Variants in COMMD10 observed in about 807,000 individuals in gnomAD.
COMMD10 encodes COMM domain-containing protein 10.
In COMMD10, 33 loss-of-function variants were observed where a neutral mutation model predicts 28.9. That is an observed-to-expected ratio of 1.14 (90% CI 0.87 to 1.53). COMMD10 has a LOEUF of 1.53. COMMD10 is among the 40% of genes most tolerant of loss of function. The pLI is 0.00. For synonymous variants in COMMD10, 110 were observed against 81.7 expected (o/e 1.35, Z -1.87); for missense variants, 310 against 233.4 (o/e 1.33, Z -2.14).
At chr5:116,242,013 A>G (rs1433188786) in intron 5 of COMMD10, among the ~76,000 whole-genome samples, 1 of 152,208 alleles carries the variant, frequency 6.6e-6, no homozygotes, top group African/African-American at 2.4e-5. Flanking sequence ...TACATTAAAC[A>G]AAAAGGCAGA....
At chr5:116,247,100 T>C (rs530892007) in intron 5 of COMMD10, among the ~76,000 whole-genome samples, 67 of 151,826 alleles carry the variant, frequency 4.4e-4, no homozygotes, top group African/African-American at 1.4e-3. Flanking sequence ...ATCTAGTATC[T>C]ATACGGAACT....
intron 4 of COMMD10, among the ~76,000 whole-genome samples, chr5:116,131,822 A>T (rs1751872609): frequency 6.6e-6 from 1 of 152,076 alleles, no homozygotes; most frequent in African/African-American, 2.4e-5. Context: ...AGGGAAAGGA[A>T]AAAATAACAG....
intron 4 of COMMD10, among the ~76,000 whole-genome samples, chr5:116,107,389 C>G (rs989796281): frequency 6.6e-6 from 1 of 152,152 alleles, no homozygotes; most frequent in South Asian, 2.1e-4. Context: ...TTCACTGTTT[C>G]TTCTCTGATC....
intron 5 of COMMD10, among the ~76,000 whole-genome samples, chr5:116,246,587 T>C (rs910783311): frequency 6.6e-6 from 1 of 152,004 alleles, no homozygotes; most frequent in Non-Finnish European, 1.5e-5. Context: ...GACTTCAAAC[T>C]ATATTACAGG....
At chr5:116,173,483 T>C (rs1157729699) in intron 5 of COMMD10, among the ~76,000 whole-genome samples, 3 of 152,176 alleles carry the variant, frequency 2.0e-5, no homozygotes, top group Non-Finnish European at 4.4e-5. Flanking sequence ...ATACAGTTAG[T>C]ATGAATATAC....
intron 4 of COMMD10, among the ~76,000 whole-genome samples, chr5:116,122,160 A>G (rs570772967): frequency 1.2e-4 from 19 of 152,192 alleles, no homozygotes; most frequent in Non-Finnish European, 1.0e-4. Context: ...ATTTTTGTAT[A>G]AGGTGTAAGG....
intron 5 of COMMD10, among the ~76,000 whole-genome samples, chr5:116,160,047 C>T (rs576523234): frequency 6.1e-4 from 93 of 152,256 alleles, no homozygotes; most frequent in African/African-American, 2.2e-3. Flanking sequence ...ATGCGAGACA[C>T]TTATAAATGG....
At chr5:116,168,372 A>G (rs1753203052) in intron 5 of COMMD10, among the ~76,000 whole-genome samples, 1 of 152,128 alleles carries the variant, frequency 6.6e-6, no homozygotes, top group Non-Finnish European at 1.5e-5. Flanking sequence ...ACTTAGACTC[A>G]CACACAATAA....
In COMMD10 at chr5:116,174,860, C is replaced by A. The variant is rs149746198; in HGVS notation, c.510+40682C>A. Among the ~76,000 whole-genome samples the A allele has an allele frequency of 7.1e-3, 1,087 of 152,230 alleles. 16 individuals carry two copies. Among genetic ancestry groups the A allele is most frequent in the African/African-American group, 0.025 (1,042 of 41,542 alleles). On this transcript the variant is annotated intron_variant, in intron 5 of 6. Coordinates refer to ENST00000274458, the MANE Select transcript of COMMD10 (RefSeq NM_016144.4). ...CTATTAATGTGTCCTATTTTAACTTCTCTATAAAGAAATGGTCAGTTTCTA... is the reference window on the plus strand; with the variant it reads ...CTATTAATGTGTCCTATTTTAACTTATCTATAAAGAAATGGTCAGTTTCTA...
intron 4 of COMMD10, among the ~76,000 whole-genome samples, chr5:116,099,897 A>G (rs1411635688): frequency 6.6e-6 from 1 of 152,164 alleles, no homozygotes; most frequent in African/African-American, 2.4e-5. Context: ...CGTATCTGAA[A>G]TGCTTGGGAC....
chr5:116,261,222 T>G (rs1209455580), intron 5 of COMMD10, among the ~76,000 whole-genome samples: 1 of 151,778 alleles, frequency 6.6e-6, no homozygotes, highest in Non-Finnish European at 1.5e-5. Flanking sequence ...AAAAAGAAGT[T>G]GATTATAATG....
intron 4 of COMMD10, among the ~76,000 whole-genome samples, chr5:116,101,382 C>A (rs536978641): frequency 6.6e-6 from 1 of 151,826 alleles, no homozygotes; most frequent in Non-Finnish European, 1.5e-5. Context: ...TCTCCACATC[C>A]TTGTTAACAT....
intron 5 of COMMD10, among the ~76,000 whole-genome samples, chr5:116,214,667 G>C (rs1015933323): frequency 6.6e-6 from 1 of 151,954 alleles, no homozygotes; most frequent in Non-Finnish European, 1.5e-5. Flanking sequence ...TTTTTACTCT[G>C]ATCTTTTCAT....
intron 5 of COMMD10, among the ~76,000 whole-genome samples, chr5:116,167,406 G>C (rs1195191813): frequency 6.6e-6 from 1 of 152,148 alleles, no homozygotes; most frequent in African/African-American, 2.4e-5. Context: ...ATGGAACCAA[G>C]TTGGAAAACA....
chr5:116,152,502 A>G lies in COMMD10; in HGVS notation c.510+18324A>G, dbSNP rs532495662. Among the ~76,000 whole-genome samples, 55 of 152,282 alleles carry G rather than the reference A, an allele frequency of 3.6e-4. 3 individuals carry two copies. The South Asian group carries it at 0.011, about 31-fold the overall frequency. On this transcript the variant is annotated intron_variant, in intron 5 of 6. Coordinates refer to ENST00000274458, the MANE Select transcript of COMMD10 (RefSeq NM_016144.4). The stretch of plus-strand genomic sequence containing the variant: ...TTTTAATACTTTGTATTTACTTAGT[A>G]GCTTTCAGCTATAGGACTCAAAAGT...
intron 5 of COMMD10, among the ~76,000 whole-genome samples, chr5:116,180,924 G>A (rs1434798117): frequency 6.6e-6 from 1 of 151,950 alleles, no homozygotes; most frequent in South Asian, 2.1e-4. Context: ...AGGCTGAGGC[G>A]GGCAGATTGC....
chr5:116,220,174 T>G (rs999496272), intron 5 of COMMD10, among the ~76,000 whole-genome samples: 2 of 152,136 alleles, frequency 1.3e-5, no homozygotes, highest in African/African-American at 4.8e-5. Context: ...TAATAAGACA[T>G]AACAGTACAT....
chr5:116,205,058 C>T (rs1474783381), intron 5 of COMMD10, among the ~76,000 whole-genome samples: 1 of 152,134 alleles, frequency 6.6e-6, no homozygotes, highest in Non-Finnish European at 1.5e-5. Flanking sequence ...TGCCAAGCTC[C>T]AGCCGCTCTT....
intron 5 of COMMD10, among the ~76,000 whole-genome samples, chr5:116,159,262 C>T (rs147225312): frequency 1.3e-5 from 2 of 152,302 alleles, no homozygotes; most frequent in South Asian, 2.1e-4. Flanking sequence ...GTTTCCCAGC[C>T]CCTCCACTCT....
Sources: gnomAD v4.1 joint callset for allele counts (sites outside exome capture counted in the v4.1 genomes callset) on GRCh38, gnomAD v4.1.1 for gene constraint, MANE v1.5 for transcripts, NCBI Gene and HGNC (gene_info 2026-07-23, HGNC 2026-07-21) for gene names.